CUL4A: variants seen among roughly 807,000 people sequenced by gnomAD.
CUL4A encodes the protein cullin-4A.
A neutral mutation model predicts 95.5 loss-of-function variants in CUL4A; 16 were observed. That is an observed-to-expected ratio of 0.17 (90% CI 0.11 to 0.25). The LOEUF is 0.25. CUL4A is among the 10% of genes least tolerant of loss of function. CUL4A has a pLI of 1.00. For missense variants in CUL4A, 610 were observed against 937.0 expected, an observed-to-expected ratio of 0.65 and a Z score of 4.56; for synonymous variants, 380 against 353.1, an observed-to-expected ratio of 1.08 and a Z score of -0.85.
At chr13:113,259,185 T>C (rs902616313) in intron 18 of CUL4A, among the ~76,000 whole-genome samples, 3 of 152,238 alleles carry the variant, frequency 2.0e-5, no homozygotes, top group Admixed American at 6.5e-5. Flanking sequence ...TCTGCACCTT[T>C]TCAATATACC....
rs1566345650 is a variant in CUL4A at position 113,233,205 on chromosome 13, C to T, written c.541C>T (p.His181Tyr). ...WDMGLELFRT[H>Y]IISDKMVQSK... ...TATGGGATTAGAACTGTTTAGAACC[C>T]ATATTATTAGTGATAAAATGGTTCA... The change falls in exon 6 of 20, where the codon CAT becomes TAT. Residue 181 changes from histidine (H) to tyrosine (Y), a missense_variant. Physicochemically the swap from His to Tyr is moderately conservative, Grantham distance 83. Coordinates refer to ENST00000375440, the MANE Select transcript of CUL4A (RefSeq NM_001008895.4). 1 of 1,614,050 alleles carries T rather than the reference C, an allele frequency of 6.2e-7. No individual in the cohort carries two copies. The highest frequency in any genetic ancestry group is 8.5e-7 in the Non-Finnish European group (1 of 1,179,962).
intron 19 of CUL4A, chr13:113,262,915 C>T (rs2042322909): frequency 1.6e-5 from 2 of 127,382 alleles, no homozygotes; most frequent in Non-Finnish European, 1.6e-5. Context: ...CTCGCTTATA[C>T]GTGCCCTTGC....
chr13:113,262,785 A>G (rs2042317092), intron 19 of CUL4A: 1 of 152,378 alleles, frequency 6.6e-6, no homozygotes, highest in African/African-American at 2.4e-5. Flanking sequence ...CCTCACTTAT[A>G]CGTGCCCTTG....
intron 2 of CUL4A, among the ~76,000 whole-genome samples, chr13:113,216,146 G>A (rs192252061): frequency 3.3e-5 from 5 of 151,342 alleles, no homozygotes; most frequent in African/African-American, 9.7e-5. Context: ...CTGTGTGGCT[G>A]TGGAGGTCTT....
At chr13:113,259,080 T>A (rs1254962859) in intron 18 of CUL4A, among the ~76,000 whole-genome samples, 1 of 152,278 alleles carries the variant, frequency 6.6e-6, no homozygotes, top group Non-Finnish European at 1.5e-5. Context: ...ATATTTATTT[T>A]ATTTCCAGCC....
At chr13:113,229,318 CAT>C (rs944348604) in intron 4 of CUL4A, 126 bp from the exon 5 acceptor site, 7 of 690,172 alleles carry the variant, frequency 1.0e-5, no homozygotes, top group African/African-American at 3.7e-5. Flanking sequence ...AAAAATAAAA[CAT>C]GAGGGCTGTG....
At chr13:113,260,211 A>AAAAAAAAAAAAAAAAAAACAAAAC (rs1197388632) in intron 18 of CUL4A, among the ~76,000 whole-genome samples, 5 of 119,526 alleles carry the variant, frequency 4.2e-5, no homozygotes, top group African/African-American at 1.8e-4. Context: ...CTCAAAAAAA[A>AAAAAAAAAAAAAAAAAAACAAAAC]AAAAAAAACC....
At chr13:113,253,360 A>G (rs2042042341) in intron 16 of CUL4A, among the ~76,000 whole-genome samples, 165 bp downstream of exon 16, 1 of 152,210 alleles carries the variant, frequency 6.6e-6, no homozygotes, top group Admixed American at 6.5e-5. Context: ...ATTCCAATCA[A>G]TAAAAATTCT....
At chr13:113,227,698 G>A (rs1297318545) in intron 3 of CUL4A, among the ~76,000 whole-genome samples, 1 of 152,178 alleles carries the variant, frequency 6.6e-6, no homozygotes, top group African/African-American at 2.4e-5. Context: ...AAGGTCAGGA[G>A]TTCGAGATCA....
At chr13:113,237,821 A>C (rs1409890457) in intron 9 of CUL4A, among the ~76,000 whole-genome samples, 1 of 152,224 alleles carries the variant, frequency 6.6e-6, no homozygotes, top group Non-Finnish European at 1.5e-5. Flanking sequence ...TGAGATACTT[A>C]AGTGAAACCA....
intron 2 of CUL4A, among the ~76,000 whole-genome samples, chr13:113,211,596 G>T (rs2040447403): frequency 6.6e-6 from 1 of 152,162 alleles, no homozygotes; most frequent in Non-Finnish European, 1.5e-5. Flanking sequence ...TGTTGGGCAG[G>T]CTGGTCTCAA....
intron 10 of CUL4A, among the ~76,000 whole-genome samples, chr13:113,240,802 A>G (rs2041686755): frequency 6.6e-6 from 1 of 152,180 alleles, no homozygotes; most frequent in African/African-American, 2.4e-5. Context: ...GTGCACACCC[A>G]GATGAGTTAC....
At position 113,261,505 on chromosome 13, in the gene CUL4A, C is replaced by T. The variant is rs189772404; in HGVS notation, c.2184+746C>T. ...CCACTGTCCATCAGCCCACATTTGC[C>T]CCCTTCCCTGCAGAGGTGAGGTGCC... On this transcript the variant is annotated intron_variant, in intron 19 of 19. Coordinates refer to ENST00000375440, the MANE Select transcript of CUL4A (RefSeq NM_001008895.4). 8.4e-4 allele frequency among the ~76,000 whole-genome samples: 128 copies of T among 152,304 alleles called. 1 individual carries two copies. In the East Asian group the frequency reaches 0.019, roughly 23 times the overall value.
chr13:113,214,394 T>TG (rs1278235383), intron 2 of CUL4A, among the ~76,000 whole-genome samples: 1 of 152,224 alleles, frequency 6.6e-6, no homozygotes, highest in Admixed American at 6.5e-5. Flanking sequence ...TCCTGCTTGT[T>TG]GCTAAATGAG....
At chr13:113,209,014 A>C, upstream of CUL4A, 1 of 638,312 alleles carries the variant, frequency 1.6e-6, no homozygotes, top group Non-Finnish European at 1.9e-6. Flanking sequence ...TGGCTGGGCC[A>C]GGGCCTCGGG....
At chr13:113,231,664 G>C (rs1566341986) in intron 5 of CUL4A, among the ~76,000 whole-genome samples, 2 of 152,164 alleles carry the variant, frequency 1.3e-5, no homozygotes, top group Non-Finnish European at 2.9e-5. Context: ...GGAAGGAAAG[G>C]CACAGAGACA....
chr13:113,258,643 G>T (rs552403079), intron 18 of CUL4A, among the ~76,000 whole-genome samples: 43 of 152,296 alleles, frequency 2.8e-4, no homozygotes, highest in African/African-American at 1.0e-3. Context: ...TAACAATAAA[G>T]AATAAGTCCT....
At chr13:113,247,322 A>G (rs2041883359) in intron 15 of CUL4A, among the ~76,000 whole-genome samples, 1 of 152,192 alleles carries the variant, frequency 6.6e-6, no homozygotes, top group South Asian at 2.1e-4. Context: ...ACCATCTAAC[A>G]GTAGTAGAGT....
upstream of CUL4A, chr13:113,208,764 A>C: frequency 6.9e-7 from 1 of 1,442,132 alleles, no homozygotes; most frequent in Non-Finnish European, 9.1e-7. Context: ...TTGGTTCCGG[A>C]GGGAGAACCT....
Sources: gnomAD v4.1 joint callset for allele counts (sites outside exome capture counted in the v4.1 genomes callset) on GRCh38, gnomAD v4.1.1 for gene constraint, MANE v1.5 for transcripts, NCBI Gene and HGNC (gene_info 2026-07-23, HGNC 2026-07-21) for gene names.